TRAPPC13: variants seen among roughly 807,000 people sequenced by gnomAD.
The protein encoded by TRAPPC13 is trafficking protein particle complex subunit 13.
Under a neutral mutation model 54.0 loss-of-function variants are expected in TRAPPC13, and 39 were observed. That is an observed-to-expected ratio of 0.72 (90% CI 0.56 to 0.94). The LOEUF is 0.94. Ranked by LOEUF, TRAPPC13 falls within the 40% of genes least tolerant of loss-of-function variation. The pLI, the probability that TRAPPC13 is intolerant of heterozygous loss-of-function variation, is 0.00. For synonymous variants in TRAPPC13, 148 were observed against 167.7 expected, an observed-to-expected ratio of 0.88 and a Z score of 0.91; for missense variants, 386 against 488.1, an observed-to-expected ratio of 0.79 and a Z score of 1.97.
chr5:65,631,290 T>C (rs1042090721), intron 1 of TRAPPC13, among the ~76,000 whole-genome samples: 1 of 152,204 alleles, frequency 6.6e-6, no homozygotes, highest in South Asian at 2.1e-4. Context: ...TGATAATGCA[T>C]GGTAAACATT....
At chr5:65,626,776 A>T (rs1755254782) in intron 1 of TRAPPC13, among the ~76,000 whole-genome samples, 1 of 152,070 alleles carries the variant, frequency 6.6e-6, no homozygotes, top group Admixed American at 6.5e-5. Flanking sequence ...AGTGATACAG[A>T]GACTGCCACT....
At chr5:65,635,894 A>G in intron 2 of TRAPPC13, 50 bp from the exon 3 acceptor site, 15 of 1,149,954 alleles carry the variant, frequency 1.3e-5, no homozygotes, top group Non-Finnish European at 1.8e-5. Flanking sequence ...TATAAGTAAA[A>G]GTTATTTAAA....
At chr5:65,660,933 T>C in intron 10 of TRAPPC13, 36 bp downstream of exon 10, 1 of 1,545,612 alleles carries the variant, frequency 6.5e-7, no homozygotes, top group Admixed American at 2.0e-5. Context: ...GGTTTTGGTG[T>C]GTGAAAGACA....
chr5:65,636,297 C>T (rs1006984420), intron 3 of TRAPPC13, among the ~76,000 whole-genome samples: 1 of 151,804 alleles, frequency 6.6e-6, no homozygotes, highest in East Asian at 1.9e-4. Flanking sequence ...GCGTGCGCAC[C>T]GCTCTGGCTA....
intron 5 of TRAPPC13, 107 bp downstream of exon 5, chr5:65,647,289 A>G (rs1262767156): frequency 3.2e-6 from 3 of 947,878 alleles, no homozygotes; most frequent in African/African-American, 1.7e-5. Flanking sequence ...CCTACTTCAA[A>G]AGGAATTTTA....
intron 5 of TRAPPC13, 54 bp downstream of exon 5, chr5:65,647,236 T>C: frequency 1.0e-5 from 15 of 1,493,282 alleles, no homozygotes; most frequent in Non-Finnish European, 1.3e-5. Flanking sequence ...ATGCCTTTGT[T>C]TGAAATTTTT....
chr5:65,662,023 C>T (rs1172950772), intron 10 of TRAPPC13, 27 bp from the exon 11 acceptor site: 1 of 1,541,212 alleles, frequency 6.5e-7, no homozygotes, highest in Non-Finnish European at 8.8e-7. Flanking sequence ...GATAGATATA[C>T]ATTAACTGTG....
chr5:65,664,181 GT>G lies in TRAPPC13; in HGVS notation c.999-55del, dbSNP rs1756945612. On this transcript the variant is annotated intron_variant, in intron 11 of 12. Transcript: ENST00000399438. Reference sequence around the variant, plus strand: ...TACTGTCACTAGTAGAAATATTGCAGTACCTCTTTGTGAAATGAACAAGATT... The same window carrying G: ...TACTGTCACTAGTAGAAATATTGCAGACCTCTTTGTGAAATGAACAAGATT... The G allele has an allele frequency of 1.6e-5, 25 of 1,549,172 alleles. No homozygotes were observed. In the South Asian group the frequency reaches 2.9e-4, roughly 18 times the overall value.
At chr5:65,640,348 A>G (rs1397931718) in intron 4 of TRAPPC13, among the ~76,000 whole-genome samples, 1 of 152,190 alleles carries the variant, frequency 6.6e-6, no homozygotes, top group Non-Finnish European at 1.5e-5. Context: ...ACCAGCCTAC[A>G]CAACATAGCA....
chr5:65,635,043 A>G (rs1755697435), intron 1 of TRAPPC13: 1 of 670,476 alleles, frequency 1.5e-6, no homozygotes, highest in Non-Finnish European at 1.8e-6. Context: ...GTTTTTCTAT[A>G]ATGAATGCAT....
intron 4 of TRAPPC13, 71 bp downstream of exon 4, chr5:65,637,851 G>A (rs924323876): frequency 7.5e-6 from 6 of 795,576 alleles, no homozygotes; most frequent in African/African-American, 1.8e-5. Flanking sequence ...GGGCATGGTG[G>A]CTCATGCCTG....
At chr5:65,659,881 T>G (rs1756784270) in intron 9 of TRAPPC13, among the ~76,000 whole-genome samples, 1 of 149,602 alleles carries the variant, frequency 6.7e-6, no homozygotes, top group Non-Finnish European at 1.5e-5. Flanking sequence ...GAAAATCGCT[T>G]GAGTCCACAA....
At chr5:65,654,782 GAAAA>G (rs1235461928) in intron 7 of TRAPPC13, among the ~76,000 whole-genome samples, 1 of 152,186 alleles carries the variant, frequency 6.6e-6, no homozygotes, top group Non-Finnish European at 1.5e-5. Context: ...TTCTAAGATA[GAAAA>G]GCCTTGCAGG....
At chr5:65,656,553 A>G (rs1192481492) in intron 8 of TRAPPC13, among the ~76,000 whole-genome samples, 1 of 152,164 alleles carries the variant, frequency 6.6e-6, no homozygotes, top group Admixed American at 6.5e-5. Flanking sequence ...ATAATAGTAC[A>G]TTATATTATA....
intron 1 of TRAPPC13, among the ~76,000 whole-genome samples, chr5:65,632,798 T>G (rs1298445449): frequency 6.6e-6 from 1 of 152,244 alleles, no homozygotes; most frequent in Non-Finnish European, 1.5e-5. Context: ...AAGGGTAGCA[T>G]TTGTTGACTA....
At chr5:65,625,282 GC>G in intron 1 of TRAPPC13, 176 bp downstream of exon 1, 1 of 610,570 alleles carries the variant, frequency 1.6e-6, no homozygotes, top group African/African-American at 1.9e-5. Context: ...AGGTTTATGG[GC>G]CCCTTTCTAG....
chr5:65,650,323 A>G (rs1297420151), intron 5 of TRAPPC13, among the ~76,000 whole-genome samples: 3 of 150,804 alleles, frequency 2.0e-5, no homozygotes, highest in Non-Finnish European at 4.4e-5. Context: ...CACCACACCC[A>G]GCTAATTTTT....
chr5:65,638,454 A>G (rs2150670606), intron 4 of TRAPPC13, among the ~76,000 whole-genome samples: 1 of 152,316 alleles, frequency 6.6e-6, no homozygotes, highest in Non-Finnish European at 1.5e-5. Flanking sequence ...TCTTGAAAGA[A>G]TGGGAGGATA....
At chr5:65,629,166 C>CT (rs1179359452) in intron 1 of TRAPPC13, among the ~76,000 whole-genome samples, 2 of 152,112 alleles carry the variant, frequency 1.3e-5, no homozygotes, top group Non-Finnish European at 2.9e-5. Context: ...AGTTTTAAGA[C>CT]TATTATTACT....
Sources: gnomAD v4.1 joint callset for allele counts (sites outside exome capture counted in the v4.1 genomes callset) on GRCh38, gnomAD v4.1.1 for gene constraint, MANE v1.5 for transcripts, NCBI Gene and HGNC (gene_info 2026-07-23, HGNC 2026-07-21) for gene names.